Variants in EPHA6 observed in about 807,000 individuals in gnomAD.
The protein encoded by EPHA6 is EPH receptor A6.
Under a neutral mutation model 112.0 loss-of-function variants are expected in EPHA6, and 50 were observed. The observed-to-expected ratio is 0.45, with a 90% confidence interval of 0.36 to 0.56. EPHA6 has a LOEUF of 0.56. Ranked by LOEUF, EPHA6 falls within the 20% of genes least tolerant of loss-of-function variation. The pLI, the probability that EPHA6 is intolerant of heterozygous loss-of-function variation, is 0.00. For missense variants in EPHA6, 1,280 were observed against 1,417.4 expected, an observed-to-expected ratio of 0.90 and a Z score of 1.56; for synonymous variants, 529 against 490.7, an observed-to-expected ratio of 1.08 and a Z score of -1.03.
At chr3:97,275,658 G>A (rs1040727202) in intron 5 of EPHA6, among the ~76,000 whole-genome samples, 4 of 152,132 alleles carry the variant, frequency 2.6e-5, no homozygotes, top group Non-Finnish European at 2.9e-5. Context: ...GGCTTTAAAA[G>A]GCCATGCTGT....
chr3:97,083,213 CAT>C (rs1036650598), intron 3 of EPHA6, among the ~76,000 whole-genome samples: 6 of 151,996 alleles, frequency 3.9e-5, no homozygotes, highest in African/African-American at 1.4e-4. Context: ...CTTTGTGAAA[CAT>C]GTTTCTACTT....
intron 3 of EPHA6, among the ~76,000 whole-genome samples, chr3:97,201,841 T>C (rs1337156498): frequency 6.6e-6 from 1 of 152,088 alleles, no homozygotes; most frequent in African/African-American, 2.4e-5. Context: ...CATTTCCCAA[T>C]GCCCAGTGAA....
chr3:97,511,110 G>T (rs2092356443), intron 10 of EPHA6, among the ~76,000 whole-genome samples: 1 of 152,174 alleles, frequency 6.6e-6, no homozygotes, highest in Non-Finnish European at 1.5e-5. Flanking sequence ...TAGCTTTCTG[G>T]GCTCTTTGCG....
At chr3:97,571,695 C>G (rs537109269) in intron 11 of EPHA6, among the ~76,000 whole-genome samples, 4 of 152,178 alleles carry the variant, frequency 2.6e-5, no homozygotes, top group Non-Finnish European at 5.9e-5. Context: ...AAATGCCACA[C>G]AGCAGACACA....
chr3:96,822,162 A>T lies in EPHA6; in HGVS notation c.385+7154A>T, dbSNP rs144012316. Among the ~76,000 whole-genome samples the T allele has an allele frequency of 3.1e-3, 476 of 152,084 alleles. 3 individuals carry two copies. The highest frequency in any genetic ancestry group is 0.011 in the African/African-American group (438 of 41,560). ...ATATGCATTTTACAAACATGTTCAT[A>T]TGTACAAAAAATAAATATTTCACAC... On this transcript the variant is annotated intron_variant, in intron 1 of 17. Coordinates refer to ENST00000389672, the MANE Select transcript of EPHA6 (RefSeq NM_001080448.3).
chr3:97,655,764 G>C (rs2094134449), intron 14 of EPHA6, among the ~76,000 whole-genome samples: 1 of 130,540 alleles, frequency 7.7e-6, no homozygotes, highest in East Asian at 2.6e-4. Flanking sequence ...TGTGGAGTGG[G>C]GGGAGGGGGG....
chr3:97,479,363 T>A lies in EPHA6; in HGVS notation c.2073T>A (p.His691Gln), dbSNP rs2091466157. Residue 691 changes from histidine (H) to glutamine (Q), a missense_variant and splice_region_variant, in exon 9 of 18, where the codon CAT (histidine) becomes CAA (glutamine). By Grantham distance (24) the His-to-Gln change is conservative. Coordinates refer to ENST00000389672, the MANE Select transcript of EPHA6 (RefSeq NM_001080448.3). ...GAAGAAACCACTTACAGAATGGGCA[T>A]TGTAAGTAGCGCAGGGACTTTCTTT... ...EKRRNHLQNG[H>Q]LRFPGIKTYI... is the part of the protein sequence containing the mutation. 1 of 1,599,654 alleles carries A rather than the reference T, an allele frequency of 6.3e-7. No individual in the cohort carries two copies. The highest frequency in any genetic ancestry group is 1.3e-5 in the African/African-American group (1 of 74,102).
At chr3:97,187,747 G>GAGGAAA (rs1559784809) in intron 3 of EPHA6, among the ~76,000 whole-genome samples, 93 of 124,074 alleles carry the variant, frequency 7.5e-4, no homozygotes, top group African/African-American at 2.6e-3. Context: ...GAAAGAAAGA[G>GAGGAAA]GAAAGAAAGA....
intron 5 of EPHA6, among the ~76,000 whole-genome samples, chr3:97,359,783 T>G (rs1322755953): frequency 6.6e-6 from 1 of 152,140 alleles, no homozygotes; most frequent in African/African-American, 2.4e-5. Context: ...TTTTTTTTAT[T>G]GCTATAGGCC....
intron 1 of EPHA6, among the ~76,000 whole-genome samples, chr3:96,826,737 A>C (rs2033685968): frequency 6.6e-6 from 1 of 152,070 alleles, no homozygotes; most frequent in African/African-American, 2.4e-5. Flanking sequence ...GCTGTCTTTT[A>C]ATTGTGTTTA....
intron 3 of EPHA6, among the ~76,000 whole-genome samples, chr3:97,158,131 G>GATGTTAAC (rs1329482964): frequency 6.6e-6 from 1 of 152,146 alleles, no homozygotes; most frequent in Admixed American, 6.5e-5. Flanking sequence ...GTCCTGGAAT[G>GATGTTAAC]ATGTTAACTC....
chr3:97,097,921 C>T (rs1026798849), intron 3 of EPHA6, among the ~76,000 whole-genome samples: 3 of 151,806 alleles, frequency 2.0e-5, no homozygotes, highest in Non-Finnish European at 4.4e-5. Context: ...ATATGATTAA[C>T]AATGCCACAG....
At chr3:97,286,521 C>T (rs2080469497) in intron 5 of EPHA6, among the ~76,000 whole-genome samples, 1 of 152,004 alleles carries the variant, frequency 6.6e-6, no homozygotes, top group African/African-American at 2.4e-5. Context: ...GTTCCTGGCA[C>T]CTTTGTTGAA....
In EPHA6 at chr3:97,114,928, A is replaced by G. The variant is rs147569875; in HGVS notation, c.1115-111336A>G. On this transcript the variant is annotated intron_variant, in intron 3 of 17. Coordinates refer to ENST00000389672, the MANE Select transcript of EPHA6 (RefSeq NM_001080448.3). ...AGCAGTAAAAACAGAACTAACTCTT[A>G]AGAGTGGATTTGCTGGAAAATAAAG... Among the ~76,000 whole-genome samples the G allele has an allele frequency of 2.0e-5, 3 of 152,154 alleles. No individual in the cohort carries two copies. In the East Asian group the frequency reaches 5.8e-4, roughly 29 times the overall value.
intron 5 of EPHA6, among the ~76,000 whole-genome samples, chr3:97,281,179 C>T (rs1156436996): frequency 6.7e-6 from 1 of 149,578 alleles, no homozygotes; most frequent in African/African-American, 2.5e-5. Flanking sequence ...ACCGGAATTG[C>T]AATCATTAAT....
At chr3:97,709,619 A>C (rs2033861526) in intron 14 of EPHA6, among the ~76,000 whole-genome samples, 1 of 152,160 alleles carries the variant, frequency 6.6e-6, no homozygotes, top group African/African-American at 2.4e-5. Flanking sequence ...AAAGGACATG[A>C]GATTTGGGAG....
At position 97,328,052 on chromosome 3, in the gene EPHA6, C is replaced by CATATATATATAT. The variant is rs1490094035; in HGVS notation, c.1607-77097_1607-77096insTATATATATATA. Among the ~76,000 whole-genome samples, 24 of 56,990 alleles carry CATATATATATAT rather than the reference C, an allele frequency of 4.2e-4. 1 individual carries two copies. Among genetic ancestry groups the CATATATATATAT allele is most frequent in the African/African-American group, 1.6e-3 (19 of 11,632 alleles). The allele number at this position is 56,990 out of a possible 152,430, so 37.4% of individuals were successfully genotyped here. ...ATGTGTATATATACACACATATATA[C>CATATATATATAT]ACATATATATATATATATATATATA... is the stretch of plus-strand genomic sequence containing the variant. On this transcript the variant is annotated intron_variant, in intron 5 of 17. Transcript: ENST00000389672.
In EPHA6 at chr3:97,755,509, A is replaced by G. The variant is rs553837305; in HGVS notation, c.*6808A>G. Among the ~76,000 whole-genome samples, 2 of 152,298 alleles carry G rather than the reference A, an allele frequency of 1.3e-5. No individual in the cohort carries two copies. The highest frequency in any genetic ancestry group is 2.1e-4 in the South Asian group (1 of 4,832). On this transcript the variant is annotated 3_prime_UTR_variant, in exon 18 of 18. Transcript: ENST00000389672. ...TAGATAGGGTGCTCTACAAAATAAT[A>G]AAAGGAGGACAACTCTAATTCAGGA... is the stretch of plus-strand genomic sequence containing the variant.
intron 14 of EPHA6, among the ~76,000 whole-genome samples, chr3:97,667,649 C>T (rs2030288730): frequency 6.6e-6 from 1 of 152,058 alleles, no homozygotes; most frequent in South Asian, 2.1e-4. Context: ...ATCTAAGTGC[C>T]TTTATGTAAA....
Sources: gnomAD v4.1 joint callset for allele counts (sites outside exome capture counted in the v4.1 genomes callset) on GRCh38, gnomAD v4.1.1 for gene constraint, MANE v1.5 for transcripts, NCBI Gene and HGNC (gene_info 2026-07-23, HGNC 2026-07-21) for gene names.